MAF: variants seen among roughly 807,000 people sequenced by gnomAD.
MAF encodes the protein MAF bZIP transcription factor, also known as transcription factor Maf.
MAF carries 10 observed loss-of-function variants against 22.0 expected under a neutral mutation model. The observed-to-expected ratio is 0.45, with a 90% CI of 0.28 to 0.77. The LOEUF (loss-of-function observed/expected upper bound fraction) is 0.77. MAF is among the 30% of genes least tolerant of loss of function. The pLI is 0.12. For synonymous variants in MAF, 337 were observed against 255.8 expected (o/e 1.32, Z -3.03); for missense variants, 544 against 548.4 (o/e 0.99, Z 0.08).
chr16:79,459,101 A>G, the MAF span, among the ~76,000 whole-genome samples: 1 of 152,192 alleles, frequency 6.6e-6, no homozygotes, highest in Non-Finnish European at 1.5e-5. Flanking sequence ...TCAGTAAGGT[A>G]GGCACCATTC....
chr16:79,586,386 C>T (rs1027344666), intron 1 of MAF, among the ~76,000 whole-genome samples: 25 of 151,812 alleles, frequency 1.6e-4, no homozygotes, highest in African/African-American at 6.1e-4. Context: ...CCGGTGTGTG[C>T]TAGGGTTCCT....
chr16:79,549,319 C>G, the MAF span, among the ~76,000 whole-genome samples: 2 of 152,102 alleles, frequency 1.3e-5, no homozygotes, highest in Non-Finnish European at 2.9e-5. Flanking sequence ...TGCCTTGTTT[C>G]CAGCTGGGGA....
chr16:79,319,117 C>G, the MAF span, among the ~76,000 whole-genome samples: 1 of 152,170 alleles, frequency 6.6e-6, no homozygotes, highest in Non-Finnish European at 1.5e-5. Context: ...CCCTAAATCC[C>G]TGGCACACTC....
At chr16:79,361,765 G>A in the MAF span, among the ~76,000 whole-genome samples, 1 of 152,054 alleles carries the variant, frequency 6.6e-6, no homozygotes. Context: ...TCCCCCACAA[G>A]CTGACATTGT....
the MAF span, among the ~76,000 whole-genome samples, chr16:79,376,597 T>C: frequency 1.3e-5 from 2 of 152,212 alleles, no homozygotes; most frequent in African/African-American, 4.8e-5. Flanking sequence ...TACATATGTA[T>C]ACATGTGCCA....
chr16:79,424,986 A>G, the MAF span, among the ~76,000 whole-genome samples: 1 of 152,108 alleles, frequency 6.6e-6, no homozygotes. Context: ...CCTTGAAGGT[A>G]TACTCTGATG....
the MAF span, among the ~76,000 whole-genome samples, chr16:79,393,560 G>A: frequency 6.6e-6 from 1 of 152,270 alleles, no homozygotes; most frequent in East Asian, 1.9e-4. Flanking sequence ...TCAGTGCTGG[G>A]CCTCCTCACT....
At chr16:79,540,310 C>T in the MAF span, among the ~76,000 whole-genome samples, 1 of 151,944 alleles carries the variant, frequency 6.6e-6, no homozygotes, top group Non-Finnish European at 1.5e-5. Context: ...GCAGTTAGGG[C>T]ATGAGAGCTC....
the MAF span, among the ~76,000 whole-genome samples, chr16:79,366,254 A>C: frequency 6.6e-6 from 1 of 152,168 alleles, no homozygotes; most frequent in Admixed American, 6.5e-5. Context: ...CAACCTTTAA[A>C]ACGTAACTGC....
chr16:79,599,430 C>T lies in MAF; in HGVS notation c.473G>A (p.Gly158Asp). The stretch of plus-strand genomic sequence containing the variant: ...GGCGGACACCACGGCGGCGGCGGGG[C>T]CCATCTCCTCGCCGCTGCCGCCCAA... ...ASLGGSGEEMGPAAAVVSAVI... is the reference protein window; with the variant it reads ...ASLGGSGEEMDPAAAVVSAVI... The change falls in exon 1 of 2, where the codon GGC (glycine) becomes GAC (aspartate). Residue 158 changes from glycine (G) to aspartate (D), a missense_variant. Around this residue, in one of 5 missense-constraint regions of MAF, gnomAD observed 342 missense variants for 315.5 expected, o/e 1.08. Transcript: ENST00000326043. 8.2e-7 allele frequency: 1 copy of T among 1,217,368 alleles called. No homozygotes were observed. Among genetic ancestry groups the T allele is most frequent in the Non-Finnish European group, 1.0e-6 (1 of 981,688 alleles). 75.4% of individuals were successfully genotyped at this position (1,217,368 alleles called of 1,614,324 possible).
the MAF span, among the ~76,000 whole-genome samples, chr16:79,249,563 G>A: frequency 6.6e-6 from 1 of 152,024 alleles, no homozygotes; most frequent in Non-Finnish European, 1.5e-5. Context: ...AGGCATCCCA[G>A]CCTCCAGAAC....
chr16:79,534,331 G>C, the MAF span, among the ~76,000 whole-genome samples: 25 of 152,304 alleles, frequency 1.6e-4, no homozygotes, highest in African/African-American at 5.8e-4. Flanking sequence ...GCATTACCAT[G>C]TGGTTTTATT....
the MAF span, among the ~76,000 whole-genome samples, chr16:79,285,822 A>G: frequency 1.3e-5 from 2 of 152,220 alleles, no homozygotes; most frequent in East Asian, 3.9e-4. Context: ...CTGCACTGCC[A>G]TTCTTTCCAG....
chr16:79,349,523 C>A, the MAF span, among the ~76,000 whole-genome samples: 1 of 152,178 alleles, frequency 6.6e-6, no homozygotes, highest in Non-Finnish European at 1.5e-5. Flanking sequence ...ATTCGGGTTT[C>A]ACTCTGGAAC....
At chr16:79,445,567 C>A in the MAF span, among the ~76,000 whole-genome samples, 1 of 152,166 alleles carries the variant, frequency 6.6e-6, no homozygotes, top group African/African-American at 2.4e-5. Context: ...AGCTCAGGTG[C>A]CCCTTGTCCA....
chr16:79,232,437 G>A, the MAF span, among the ~76,000 whole-genome samples: 5 of 151,978 alleles, frequency 3.3e-5, no homozygotes, highest in East Asian at 1.9e-4. Flanking sequence ...TTGGAGGTAC[G>A]GTAGTTGACT....
chr16:79,491,615 C>T, the MAF span, among the ~76,000 whole-genome samples: 110 of 152,276 alleles, frequency 7.2e-4, 1 homozygote, highest in South Asian at 0.022. Context: ...TTTGCATGCA[C>T]TGCTGCTATG....
At chr16:79,421,638 A>ATT in the MAF span, among the ~76,000 whole-genome samples, 2 of 144,784 alleles carry the variant, frequency 1.4e-5, no homozygotes, top group African/African-American at 2.6e-5. Context: ...AAGAAAAGTG[A>ATT]TTTTTTTTTT....
chr16:79,509,116 C>T, the MAF span, among the ~76,000 whole-genome samples: 1 of 152,216 alleles, frequency 6.6e-6, no homozygotes, highest in African/African-American at 2.4e-5. Context: ...GGCTTTTACC[C>T]TGGACACACG....
Sources: allele counts gnomAD v4.1 joint callset (sites outside exome capture counted in the v4.1 genomes callset), GRCh38; gene constraint gnomAD v4.1.1; regional missense constraint gnomAD v4.1.1; transcripts MANE v1.5; gene names NCBI Gene and HGNC (gene_info 2026-07-23, HGNC 2026-07-21).